BTNL2: variants seen among roughly 807,000 people sequenced by gnomAD.
BTNL2 encodes butyrophilin-like protein 2.
Under a neutral mutation model 46.8 loss-of-function variants are expected in BTNL2, and 46 were observed. The ratio of observed to expected loss-of-function variants is 0.98; its 90% CI spans 0.78 to 1.26. BTNL2 has a LOEUF of 1.26. BTNL2 is among the 50% of genes most tolerant of loss of function. BTNL2 has a pLI of 0.00. For missense variants in BTNL2, 461 were observed against 592.6 expected, an observed-to-expected ratio of 0.78 and a Z score of 2.31; for synonymous variants, 226 against 229.1, an observed-to-expected ratio of 0.99 and a Z score of 0.12.
intron 1 of BTNL2, 35 bp from the exon 2 acceptor site, chr6:32,405,321 G>T: frequency 6.3e-7 from 1 of 1,597,084 alleles, no homozygotes; most frequent in South Asian, 1.1e-5. Flanking sequence ...ACGAGGAAAT[G>T]CCAATCAGAA....
Position 32,394,602 on chromosome 6 carries a change from C to T in BTNL2, c.1360+142G>A, listed in dbSNP as rs1259130529. The T allele has an allele frequency of 3.1e-6, 3 of 983,058 alleles. No homozygotes were observed. The highest frequency in any genetic ancestry group is 4.4e-6 in the Non-Finnish European group (3 of 686,328). 60.9% of individuals were successfully genotyped at this position (983,058 alleles called of 1,614,324 possible). Reference sequence around the variant, plus strand: ...TAGAATCCCTGGGTGTCCTGAAAACCAGCTTTGCAGAGGATAGCAGGAGAC... The same window carrying T: ...TAGAATCCCTGGGTGTCCTGAAAACTAGCTTTGCAGAGGATAGCAGGAGAC... On this transcript the variant is annotated intron_variant, in intron 6 of 7. Transcript: ENST00000454136. This position sits in a 1 kb window ranked among gnomAD's most constrained non-coding sequence, Gnocchi z 4.6.
Position 32,394,676 on chromosome 6 carries a change from A to G in BTNL2, c.1360+68T>C, listed in dbSNP as rs41499544. Reference sequence around the variant, plus strand: ...AATCACAAAGGAAGAAGAGCAATACAATGAGTAAGTCTGAGTTGGTCTTCA... The same window carrying G: ...AATCACAAAGGAAGAAGAGCAATACGATGAGTAAGTCTGAGTTGGTCTTCA... On this transcript the variant is annotated intron_variant, in intron 6 of 7. Coordinates refer to ENST00000454136, the MANE Select transcript of BTNL2 (RefSeq NM_001304561.2). This position sits in a 1 kb window ranked among gnomAD's most constrained non-coding sequence, Gnocchi z 4.6. The G allele has an allele frequency of 0.15, 227,696 of 1,492,892 alleles. 18,696 individuals carry two copies. The highest frequency in any genetic ancestry group is 0.23 in the East Asian group (9,914 of 43,800). The allele number at this position is 1,492,892 out of a possible 1,614,324, so 92.5% of individuals were successfully genotyped here. A position where few individuals can be genotyped will look rare whatever the true frequency, so the allele number is the denominator to read the frequency against.
intron 2 of BTNL2, among the ~76,000 whole-genome samples, chr6:32,403,987 AT>A (rs1230892068): frequency 2.6e-5 from 4 of 152,194 alleles, no homozygotes; most frequent in Non-Finnish European, 5.9e-5. Flanking sequence ...TGTGTGACTT[AT>A]TTGTAAATGT....
intron 4 of BTNL2, among the ~76,000 whole-genome samples, chr6:32,400,608 A>C (rs558159928): frequency 1.8e-4 from 28 of 151,758 alleles, no homozygotes; most frequent in African/African-American, 6.0e-4. Context: ...CAACTCCGAG[A>C]TTTAAAAAAC....
At chr6:32,400,195 C>A (rs1339189074) in intron 4 of BTNL2, among the ~76,000 whole-genome samples, 1 of 152,154 alleles carries the variant, frequency 6.6e-6, no homozygotes, top group Non-Finnish European at 1.5e-5. Flanking sequence ...TTACTTTGCG[C>A]CTTCCAGGGA....
chr6:32,397,512 G>C lies in BTNL2; in HGVS notation c.731-1126C>G, dbSNP rs149048661. On this transcript the variant is annotated intron_variant, in intron 4 of 7. Transcript: ENST00000454136. ...TTATGAGTCATCCTTTTCTCAGTTA[G>C]ACTCTGCTAAATTTAGTCTGTCTAA... 5.3e-3 allele frequency among the ~76,000 whole-genome samples: 811 copies of C among 152,196 alleles called. 9 individuals carry two copies. The highest frequency in any genetic ancestry group is 0.018 in the African/African-American group (766 of 41,562).
intron 1 of BTNL2, chr6:32,406,089 C>T (rs117252344): frequency 0.018 from 2,687 of 152,480 alleles, 79 homozygotes; most frequent in East Asian, 0.11. Flanking sequence ...CTAAATGCTC[C>T]GGGGCCATTT....
Position 32,394,630 on chromosome 6 carries a change from C to T in BTNL2, c.1360+114G>A, listed in dbSNP as rs1294895552. On this transcript the variant is annotated intron_variant, in intron 6 of 7. Transcript: ENST00000454136. The surrounding 1 kb of genome is among the most constrained non-coding windows in gnomAD (Gnocchi z 4.6). ...CTTTGCAGAGGATAGCAGGAGACCT[C>T]GTCAGAGATCAGCAAATAAAAATCA... 1.6e-5 allele frequency: 21 copies of T among 1,279,844 alleles called. No homozygotes were observed. The highest frequency in any genetic ancestry group is 2.0e-4 in the Middle Eastern group (1 of 5,074). 79.3% of individuals were successfully genotyped at this position (1,279,844 alleles called of 1,614,324 possible).
chr6:32,395,939 A>T, intron 5 of BTNL2, 100 bp downstream of exon 5: 1 of 943,052 alleles, frequency 1.1e-6, no homozygotes, highest in Non-Finnish European at 1.6e-6. Context: ...ATGAATAAGC[A>T]TTAAGAAAAT....
At chr6:32,397,134 T>A (rs117020290) in intron 4 of BTNL2, among the ~76,000 whole-genome samples, 1,838 of 152,184 alleles carry the variant, frequency 0.012, 65 homozygotes, top group East Asian at 0.11. Flanking sequence ...ACATAAGCAC[T>A]CAGGTACAGA....
chr6:32,401,888 T>A, intron 3 of BTNL2, 83 bp from the exon 4 acceptor site: 1 of 1,200,786 alleles, frequency 8.3e-7, no homozygotes. Flanking sequence ...AGAAAGCAAT[T>A]TATACATTAT....
At chr6:32,403,476 T>C (rs117572918) in intron 2 of BTNL2, among the ~76,000 whole-genome samples, 1,859 of 152,346 alleles carry the variant, frequency 0.012, 68 homozygotes, top group East Asian at 0.11. Flanking sequence ...GGGGACATCA[T>C]GACATTTTGC....
At chr6:32,404,675 A>C (rs941819811) in intron 2 of BTNL2, among the ~76,000 whole-genome samples, 1 of 152,230 alleles carries the variant, frequency 6.6e-6, no homozygotes, top group Admixed American at 6.5e-5. Flanking sequence ...TGTGTGTCTC[A>C]GCAAAATTGC....
intron 3 of BTNL2, among the ~76,000 whole-genome samples, chr6:32,402,094 A>G (rs117342087): frequency 0.018 from 2,667 of 152,336 alleles, 73 homozygotes; most frequent in East Asian, 0.11. Flanking sequence ...AAAATAACAT[A>G]TGTTCCTTTT....
intron 4 of BTNL2, among the ~76,000 whole-genome samples, chr6:32,398,633 C>T (rs1423362724): frequency 1.3e-5 from 2 of 151,974 alleles, no homozygotes; most frequent in African/African-American, 4.8e-5. Flanking sequence ...GGATTTTATT[C>T]CCTGTCCGTG....
At chr6:32,398,365 C>T (rs924032485) in intron 4 of BTNL2, among the ~76,000 whole-genome samples, 7 of 152,206 alleles carry the variant, frequency 4.6e-5, no homozygotes, top group Non-Finnish European at 8.8e-5. Flanking sequence ...CCTGTCAACA[C>T]AATTTGAATT....
intron 1 of BTNL2, chr6:32,405,503 G>A (rs1777080753): frequency 1.6e-6 from 1 of 633,748 alleles, no homozygotes; most frequent in Non-Finnish European, 2.9e-6. Flanking sequence ...TGTGGGTGAG[G>A]TTGCTGTCTG....
intron 3 of BTNL2, 151 bp downstream of exon 3, chr6:32,402,784 A>T (rs1479452147): frequency 3.5e-6 from 3 of 860,872 alleles, no homozygotes; most frequent in Admixed American, 2.9e-5. Flanking sequence ...TGTAGTGCGT[A>T]TATTTCCAGT....
At position 32,396,154 on chromosome 6, in the gene BTNL2, C is replaced by T; in HGVS notation, c.963G>A (p.Glu321=). 6.2e-7 allele frequency: 1 copy of T among 1,613,082 alleles called. No individual in the cohort carries two copies. Among genetic ancestry groups the T allele is most frequent in the Non-Finnish European group, 8.5e-7 (1 of 1,180,034 alleles). The change falls in exon 5 of 8, where the codon GAG becomes GAA. Residue 321 remains glutamate, a synonymous_variant. Transcript: ENST00000454136. The surrounding 1 kb of genome is among the most constrained non-coding windows in gnomAD (Gnocchi z 4.4). ...TGAGTATCTGCAGGGTCAGTCTGCC[C>T]TCGTCAATGGCGTCACTCACCAGTA... ...RTVLVSDAID[E]GRLTLQILSA...
Sources: allele counts gnomAD v4.1 joint callset (sites outside exome capture counted in the v4.1 genomes callset), GRCh38; gene constraint gnomAD v4.1.1; non-coding constraint Gnocchi (gnomAD v3.1); transcripts MANE v1.5; gene names NCBI Gene and HGNC (gene_info 2026-07-23, HGNC 2026-07-21).